Variants in CCDC170 observed in about 807,000 individuals in gnomAD.
The protein encoded by CCDC170 is coiled-coil domain-containing protein 170.
Under a neutral mutation model 72.6 loss-of-function variants are expected in CCDC170, and 69 were observed. The observed-to-expected ratio is 0.95, with a 90% confidence interval of 0.78 to 1.16. The LOEUF (loss-of-function observed/expected upper bound fraction) is 1.16, where lower values mean the gene tolerates loss of function less well. Among genes scored for constraint, CCDC170 ranks in the 50% most tolerant of loss-of-function variants. The probability of loss-of-function intolerance (pLI) is 0.00; values close to 1 mark genes in which losing one functional copy is unlikely to be tolerated. For synonymous variants in CCDC170, 300 were observed against 303.9 expected (o/e 0.99, Z 0.13); for missense variants, 852 against 832.5 (o/e 1.02, Z -0.29).
At chr6:151,574,154 A>G (rs1040391147) in intron 6 of CCDC170, among the ~76,000 whole-genome samples, 29 of 152,248 alleles carry the variant, frequency 1.9e-4, no homozygotes, top group Non-Finnish European at 4.1e-4. Context: ...TTGAAGCTGC[A>G]GTGAGCTATG....
intron 4 of CCDC170, among the ~76,000 whole-genome samples, chr6:151,547,987 C>T (rs1253373140): frequency 6.6e-6 from 1 of 152,224 alleles, no homozygotes; most frequent in Non-Finnish European, 1.5e-5. Flanking sequence ...AAGTCCCTTG[C>T]TTCATCGCCT....
chr6:151,596,708 A>G, intron 9 of CCDC170, 131 bp downstream of exon 9: 3 of 1,307,230 alleles, frequency 2.3e-6, no homozygotes, highest in South Asian at 3.1e-5. Flanking sequence ...TTCTAGAATT[A>G]TGGGAAAAAT....
At chr6:151,564,794 G>A (rs1387821501) in intron 5 of CCDC170, among the ~76,000 whole-genome samples, 2 of 152,118 alleles carry the variant, frequency 1.3e-5, no homozygotes, top group African/African-American at 4.8e-5. Flanking sequence ...CTGCGGTGGG[G>A]GTAGGGGCAG....
rs541632348 is a variant in CCDC170 at position 151,512,221 on chromosome 6, A to G, written c.57+18036A>G. On this transcript the variant is annotated intron_variant, in intron 1 of 10. Coordinates refer to ENST00000239374, the MANE Select transcript of CCDC170 (RefSeq NM_025059.4). ...GTTGCCCAGGCTGGAGTGCAGTGGC[A>G]TAATCTAGGCCCACTGCAGCCTCTG... Among the ~76,000 whole-genome samples the G allele has an allele frequency of 4.8e-5, 7 of 144,434 alleles. No individual in the cohort carries two copies. The South Asian group carries it at 8.7e-4, about 18-fold the overall frequency. The allele number at this position is 144,434 out of a possible 152,430, so 94.8% of individuals were successfully genotyped here. A position where few individuals can be genotyped will look rare whatever the true frequency, so the allele number is the denominator to read the frequency against.
chr6:151,560,804 G>A (rs1783065072), intron 5 of CCDC170, among the ~76,000 whole-genome samples: 2 of 151,820 alleles, frequency 1.3e-5, no homozygotes, highest in Non-Finnish European at 2.9e-5. Context: ...TTTTCCATTT[G>A]TGTGATGGAT....
chr6:151,618,401 T>C lies in CCDC170; in HGVS notation c.*254T>C, dbSNP rs142178535. The C allele has an allele frequency of 1.8e-4, 85 of 477,552 alleles. No homozygotes were observed. The East Asian group carries it at 2.9e-3, about 16-fold the overall frequency. 29.6% of individuals were successfully genotyped at this position (477,552 alleles called of 1,614,324 possible). On this transcript the variant is annotated 3_prime_UTR_variant, in exon 11 of 11. Coordinates refer to ENST00000239374, the MANE Select transcript of CCDC170 (RefSeq NM_025059.4). ...ATTCCACCAGATTGCATGAGTTAGA[T>C]TGGGAAATGGGAGTGGGAGATAATA...
intron 1 of CCDC170, among the ~76,000 whole-genome samples, chr6:151,512,138 C>T (rs921256991): frequency 1.3e-5 from 2 of 151,794 alleles, no homozygotes; most frequent in African/African-American, 2.4e-5. Flanking sequence ...AGCCACTGCA[C>T]CCAGCAGTAT....
intron 6 of CCDC170, among the ~76,000 whole-genome samples, chr6:151,577,640 G>A (rs1055518244): frequency 4.0e-5 from 6 of 150,954 alleles, no homozygotes; most frequent in Non-Finnish European, 5.9e-5. Flanking sequence ...GACCCCCCCC[G>A]ATGCTATAAA....
intron 1 of CCDC170, among the ~76,000 whole-genome samples, chr6:151,521,810 C>T (rs564583955): frequency 2.0e-5 from 3 of 152,004 alleles, no homozygotes; most frequent in East Asian, 1.9e-4. Flanking sequence ...TGTGAAATCC[C>T]GTCTCTACTA....
chr6:151,597,166 C>G (rs1451245519), intron 9 of CCDC170, among the ~76,000 whole-genome samples: 1 of 150,496 alleles, frequency 6.6e-6, no homozygotes, highest in Non-Finnish European at 1.5e-5. Context: ...GCTCTGTTGT[C>G]CAGGCTAGAG....
chr6:151,571,321 A>ATT lies in CCDC170; in HGVS notation c.775-1842_775-1841dup, dbSNP rs11428711. 3.6e-3 allele frequency among the ~76,000 whole-genome samples: 534 copies of ATT among 149,518 alleles called. 5 individuals carry two copies. The highest frequency in any genetic ancestry group is 0.011 in the East Asian group (54 of 5,124). Reference sequence around the variant, plus strand: ...TACCTCTAACATACTATTTTTAATAATTTTTTTTTTTTACCAGTTAACTAG... The same window carrying ATT: ...TACCTCTAACATACTATTTTTAATAATTTTTTTTTTTTTTACCAGTTAACTAG... On this transcript the variant is annotated intron_variant, in intron 5 of 10. Transcript: ENST00000239374.
chr6:151,551,559 G>A (rs1186592263), intron 5 of CCDC170, among the ~76,000 whole-genome samples: 2 of 152,192 alleles, frequency 1.3e-5, no homozygotes, highest in Admixed American at 6.5e-5. Context: ...TCTCTCTGGA[G>A]TCACTTGCTC....
intron 5 of CCDC170, 98 bp downstream of exon 5, chr6:151,548,587 A>G: frequency 9.2e-7 from 1 of 1,089,158 alleles, no homozygotes; most frequent in South Asian, 2.9e-5. Context: ...ACTACTGATT[A>G]CGATTTTTTT....
chr6:151,515,074 T>C (rs1732261794), intron 1 of CCDC170, among the ~76,000 whole-genome samples: 1 of 152,212 alleles, frequency 6.6e-6, no homozygotes, highest in Non-Finnish European at 1.5e-5. Context: ...TTATATTAAC[T>C]AAACAAATGT....
intron 6 of CCDC170, among the ~76,000 whole-genome samples, chr6:151,585,533 CTT>C (rs556729004): frequency 3.3e-5 from 5 of 152,198 alleles, no homozygotes; most frequent in South Asian, 2.1e-4. Flanking sequence ...GGGAATGACT[CTT>C]TGTAGATTTT....
intron 9 of CCDC170, among the ~76,000 whole-genome samples, chr6:151,608,630 G>A (rs1260141381): frequency 6.6e-6 from 1 of 152,142 alleles, no homozygotes; most frequent in Non-Finnish European, 1.5e-5. Context: ...GTGTTTTGTG[G>A]AGGCTGTGGT....
chr6:151,580,323 C>T lies in CCDC170; in HGVS notation c.1093-5566C>T, dbSNP rs141249506. 4.3e-3 allele frequency among the ~76,000 whole-genome samples: 659 copies of T among 152,224 alleles called. 3 individuals are homozygous for T. The highest frequency in any genetic ancestry group is 0.014 in the African/African-American group (597 of 41,556). On this transcript the variant is annotated intron_variant, in intron 6 of 10. Coordinates refer to ENST00000239374, the MANE Select transcript of CCDC170 (RefSeq NM_025059.4). ...TACTCACTTCCTGTTTGCAGTCCAACGTGAAACCACATCTCCTGATGTGCT... is the reference window on the plus strand; with the variant it reads ...TACTCACTTCCTGTTTGCAGTCCAATGTGAAACCACATCTCCTGATGTGCT...
chr6:151,539,068 C>T (rs1782638736), intron 3 of CCDC170, among the ~76,000 whole-genome samples: 1 of 152,010 alleles, frequency 6.6e-6, no homozygotes, highest in Non-Finnish European at 1.5e-5. Context: ...TTGAGACCAG[C>T]CTGGCCAACA....
intron 1 of CCDC170, 28 bp downstream of exon 1, chr6:151,494,213 G>C: frequency 1.3e-6 from 2 of 1,492,598 alleles, no homozygotes; most frequent in South Asian, 1.3e-5. Flanking sequence ...GGCCGCGCGC[G>C]GGGGTGGCCC....
Sources: gnomAD v4.1 joint callset for allele counts (sites outside exome capture counted in the v4.1 genomes callset) on GRCh38, gnomAD v4.1.1 for gene constraint, MANE v1.5 for transcripts, NCBI Gene and HGNC (gene_info 2026-07-23, HGNC 2026-07-21) for gene names.